The following SPAG16 variants were observed in gnomAD, a reference collection of about 807,000 sequenced individuals.
SPAG16 encodes the protein sperm associated antigen 16, also known as sperm-associated antigen 16 protein.
In SPAG16, 86 loss-of-function variants were observed where a neutral mutation model predicts 80.4. The ratio of observed to expected loss-of-function variants is 1.07; its 90% CI spans 0.90 to 1.28. SPAG16 has a LOEUF of 1.28. Ranked by LOEUF, SPAG16 falls within the 50% of genes most tolerant of loss-of-function variation. The pLI is 0.00. For missense variants in SPAG16, 870 were observed against 765.3 expected, an observed-to-expected ratio of 1.14 and a Z score of -1.61; for synonymous variants, 294 against 265.9, an observed-to-expected ratio of 1.11 and a Z score of -1.03.
At chr2:213,621,078 T>A (rs1220432067) in intron 10 of SPAG16, among the ~76,000 whole-genome samples, 2 of 152,142 alleles carry the variant, frequency 1.3e-5, no homozygotes, top group African/African-American at 4.8e-5. Flanking sequence ...GTACTTACCT[T>A]TAATTTTCTA....
intron 10 of SPAG16, among the ~76,000 whole-genome samples, chr2:213,545,125 C>T (rs113026079): frequency 0.02 from 3,066 of 152,204 alleles, 44 homozygotes; most frequent in Middle Eastern, 0.051. Context: ...TCTGTTGATC[C>T]ACATCCTTAC....
intron 3 of SPAG16, among the ~76,000 whole-genome samples, chr2:213,307,896 G>C (rs2063019171): frequency 6.6e-6 from 1 of 152,136 alleles, no homozygotes; most frequent in South Asian, 2.1e-4. Flanking sequence ...AGCACTTTTG[G>C]AAAGAATTTT....
At chr2:213,859,818 G>A (rs1575380601) in intron 10 of SPAG16, among the ~76,000 whole-genome samples, 1 of 152,278 alleles carries the variant, frequency 6.6e-6, no homozygotes, top group East Asian at 1.9e-4. Context: ...TTTGATGAAT[G>A]TTTATTGAAT....
chr2:213,418,657 T>C (rs2069408534), intron 9 of SPAG16, among the ~76,000 whole-genome samples: 1 of 152,214 alleles, frequency 6.6e-6, no homozygotes, highest in African/African-American at 2.4e-5. Flanking sequence ...GGAATCTTGC[T>C]TTTGTTTTTT....
At chr2:213,728,283 G>A (rs1177075876) in intron 10 of SPAG16, among the ~76,000 whole-genome samples, 1 of 152,178 alleles carries the variant, frequency 6.6e-6, no homozygotes, top group Non-Finnish European at 1.5e-5. Flanking sequence ...TGTGGAGCTT[G>A]TGGCTTCCTT....
At chr2:214,054,174 T>C (rs1368838048) in intron 13 of SPAG16, among the ~76,000 whole-genome samples, 1 of 152,116 alleles carries the variant, frequency 6.6e-6, no homozygotes, top group Non-Finnish European at 1.5e-5. Context: ...CATACCCGGC[T>C]AATTTTTGTA....
intron 15 of SPAG16, among the ~76,000 whole-genome samples, chr2:214,271,850 C>CT (rs918481997): frequency 1.4e-5 from 2 of 144,416 alleles, no homozygotes; most frequent in African/African-American, 5.2e-5. Flanking sequence ...AAACCCCCCC[C>CT]CCAAAAAAAA....
chr2:214,396,091 T>G (rs1297788144), intron 15 of SPAG16, among the ~76,000 whole-genome samples: 1 of 152,178 alleles, frequency 6.6e-6, no homozygotes, highest in Non-Finnish European at 1.5e-5. Flanking sequence ...TTCAAGTTCT[T>G]CTGCGACTCA....
chr2:213,424,928 G>A (rs2069817180), intron 9 of SPAG16, among the ~76,000 whole-genome samples: 1 of 152,152 alleles, frequency 6.6e-6, no homozygotes, highest in Non-Finnish European at 1.5e-5. Flanking sequence ...AGTTTGGAGA[G>A]CCTTTGAAAA....
At chr2:213,994,674 T>C (rs933051255) in intron 12 of SPAG16, among the ~76,000 whole-genome samples, 5 of 151,886 alleles carry the variant, frequency 3.3e-5, no homozygotes, top group Admixed American at 3.3e-4. Flanking sequence ...TTTCCTTACA[T>C]ATTCATGACT....
chr2:213,960,787 T>C lies in SPAG16; in HGVS notation c.1400+30642T>C, dbSNP rs1010307295. Reference sequence around the variant, plus strand: ...AGAGAAAAATGAAGTGATAGGAAAATGATACTGGCCTTTTAAATGCCCTAG... The same window carrying C: ...AGAGAAAAATGAAGTGATAGGAAAACGATACTGGCCTTTTAAATGCCCTAG... On this transcript the variant is annotated intron_variant, in intron 12 of 15. Coordinates refer to ENST00000331683, the MANE Select transcript of SPAG16 (RefSeq NM_024532.5). Among the ~76,000 whole-genome samples, 5 of 152,306 alleles carry C rather than the reference T, an allele frequency of 3.3e-5. No homozygotes were observed. The South Asian group carries it at 6.2e-4, about 19-fold the overall frequency.
intron 12 of SPAG16, 105 bp downstream of exon 12, chr2:213,930,250 A>T (rs1295722522): frequency 1.3e-6 from 1 of 791,626 alleles, no homozygotes; most frequent in Non-Finnish European, 1.9e-6. Flanking sequence ...CCAGGGAAAC[A>T]TTAAAAGAAA....
At chr2:213,446,584 C>T (rs937892745) in intron 9 of SPAG16, among the ~76,000 whole-genome samples, 3 of 152,146 alleles carry the variant, frequency 2.0e-5, no homozygotes, top group East Asian at 3.9e-4. Context: ...TTTAATAATT[C>T]TCCTCCTTAT....
intron 13 of SPAG16, among the ~76,000 whole-genome samples, chr2:214,056,308 C>CAT (rs1158140426): frequency 3.6e-4 from 55 of 151,468 alleles, no homozygotes; most frequent in African/African-American, 1.3e-3. Context: ...CACACACACA[C>CAT]ACACACGCAT....
chr2:213,753,981 C>G (rs2068204082), intron 10 of SPAG16, among the ~76,000 whole-genome samples: 1 of 152,180 alleles, frequency 6.6e-6, no homozygotes, highest in African/African-American at 2.4e-5. Flanking sequence ...AGGTTAGAAG[C>G]AAAGTCTGCA....
At chr2:214,171,835 T>G (rs1359343443) in intron 15 of SPAG16, among the ~76,000 whole-genome samples, 1 of 151,990 alleles carries the variant, frequency 6.6e-6, no homozygotes, top group African/African-American at 2.4e-5. Context: ...ATATTTTAAG[T>G]GAAAAGTTAT....
intron 10 of SPAG16, among the ~76,000 whole-genome samples, chr2:213,534,730 G>T (rs1049255756): frequency 2.0e-5 from 3 of 151,996 alleles, no homozygotes; most frequent in African/African-American, 7.2e-5. Flanking sequence ...TCCATGAAGG[G>T]GAAAGGGAAT....
chr2:213,571,951 T>G (rs1404598118), intron 10 of SPAG16, among the ~76,000 whole-genome samples: 21 of 133,176 alleles, frequency 1.6e-4, no homozygotes, highest in Non-Finnish European at 1.8e-4. Flanking sequence ...TTATTCTTTT[T>G]TCTCTAAACT....
chr2:214,146,768 A>G (rs1478569711), intron 14 of SPAG16, among the ~76,000 whole-genome samples: 1 of 152,156 alleles, frequency 6.6e-6, no homozygotes, highest in Non-Finnish European at 1.5e-5. Flanking sequence ...TGGGAGGCCA[A>G]GGTGGGCAGA....
Sources: allele counts gnomAD v4.1 joint callset (sites outside exome capture counted in the v4.1 genomes callset), GRCh38; gene constraint gnomAD v4.1.1; transcripts MANE v1.5; gene names NCBI Gene and HGNC (gene_info 2026-07-23, HGNC 2026-07-21).